HS1BP3: variants seen among roughly 807,000 people sequenced by gnomAD.
HS1BP3 encodes the protein HCLS1-binding protein 3.
A neutral mutation model predicts 33.5 loss-of-function variants in HS1BP3; 32 were observed. That is an observed-to-expected ratio of 0.95 (90% CI 0.72 to 1.28). HS1BP3 has a LOEUF of 1.28. HS1BP3 is among the 50% of genes most tolerant of loss of function. HS1BP3 has a pLI of 0.00. For synonymous variants in HS1BP3, 187 were observed against 209.2 expected (o/e 0.89, Z 0.92); for missense variants, 486 against 502.3 (o/e 0.97, Z 0.31).
Position 20,645,440 on chromosome 2 carries a change from T to C in HS1BP3, c.98A>G (p.Lys33Arg), listed in dbSNP as rs769704355. The change falls in exon 2 of 7, where the codon AAG becomes AGG. Residue 33 changes from lysine (K) to arginine (R), a missense_variant. Coordinates refer to ENST00000304031, the MANE Select transcript of HS1BP3 (RefSeq NM_022460.4). ...TVPQHQEVRG[K>R]MMSGHVEYQI... is the part of the protein sequence containing the mutation. ...GTACTCCACGTGTCCAGACATCATC[T>C]TGCCCCGTACCTCCTGGTGCTGGGG... The C allele has an allele frequency of 3.2e-5, 51 of 1,614,048 alleles. No homozygotes were observed. In the South Asian group the frequency reaches 5.2e-4, roughly 16 times the overall value.
the HS1BP3 span, among the ~76,000 whole-genome samples, chr2:20,555,183 C>T: frequency 1.2e-4 from 18 of 152,208 alleles, no homozygotes; most frequent in Non-Finnish European, 8.8e-5. Flanking sequence ...CCCCATGCGA[C>T]GCTAGGAACT....
intron 5 of HS1BP3, among the ~76,000 whole-genome samples, chr2:20,565,865 G>C (rs888423285): frequency 6.6e-6 from 1 of 152,246 alleles, no homozygotes. Flanking sequence ...TGGATGTAGA[G>C]TCAGGGCTGG....
At chr2:20,616,835 T>C (rs1021238483), downstream of HS1BP3, among the ~76,000 whole-genome samples, 1 of 152,082 alleles carries the variant, frequency 6.6e-6, no homozygotes, top group Non-Finnish European at 1.5e-5. Context: ...CAGGCTGGAA[T>C]GGGTCACAGG....
At chr2:20,627,125 C>T (rs961205865) in intron 4 of HS1BP3, among the ~76,000 whole-genome samples, 94 of 152,254 alleles carry the variant, frequency 6.2e-4, no homozygotes, top group African/African-American at 2.0e-3. Context: ...CCATCTCTGC[C>T]GCCCTTTGCG....
downstream of HS1BP3, among the ~76,000 whole-genome samples, chr2:20,614,208 A>T (rs999065247): frequency 1.3e-5 from 2 of 152,138 alleles, no homozygotes; most frequent in Admixed American, 1.3e-4. Context: ...ACAAAGTAGG[A>T]TCCTTCCCTA....
intron 6 of HS1BP3, among the ~76,000 whole-genome samples, chr2:20,621,511 G>T (rs913684505): frequency 6.6e-6 from 1 of 152,236 alleles, no homozygotes; most frequent in Non-Finnish European, 1.5e-5. Flanking sequence ...GGCCACCTCA[G>T]GTCAGATGTT....
At chr2:20,556,558 TC>T (rs1333223476), downstream of HS1BP3, among the ~76,000 whole-genome samples, 1 of 152,194 alleles carries the variant, frequency 6.6e-6, no homozygotes, top group Non-Finnish European at 1.5e-5. Context: ...TGTCTATAGG[TC>T]GATTTCAACA....
At chr2:20,574,642 G>A (rs945950667) in intron 5 of HS1BP3, among the ~76,000 whole-genome samples, 4 of 152,196 alleles carry the variant, frequency 2.6e-5, no homozygotes, top group Non-Finnish European at 5.9e-5. Flanking sequence ...GGTCAGCCTC[G>A]GTGGATGAGA....
chr2:20,577,573 G>A (rs1387885817), intron 5 of HS1BP3, among the ~76,000 whole-genome samples: 1 of 152,190 alleles, frequency 6.6e-6, no homozygotes, highest in African/African-American at 2.4e-5. Flanking sequence ...TAGGAAGAAA[G>A]AGCCTCCAGG....
At position 20,586,167 on chromosome 2, in the gene HS1BP3, G is replaced by A. The variant is rs568178251; in HGVS notation, c.303-25652C>T. ...AAGGCACCTCCTCCTCCCAGGAGCC[G>A]GGACCGTCCTGCCCTTTGAGGGGGT... On this transcript the variant is annotated intron_variant, in intron 5 of 5. Transcript: ENST00000446825. The A allele has an allele frequency of 3.6e-3, 555 of 152,378 alleles. 6 individuals carry two copies. Among genetic ancestry groups the A allele is most frequent in the South Asian group, 8.1e-3 (39 of 4,832 alleles). The allele number at this position is 152,378 out of a possible 1,614,324, so 9.4% of individuals were successfully genotyped here.
At chr2:20,595,402 C>T (rs959351581) in intron 3 of HS1BP3, among the ~76,000 whole-genome samples, 3 of 152,176 alleles carry the variant, frequency 2.0e-5, no homozygotes, top group Admixed American at 6.5e-5. Flanking sequence ...TCACCAGGAG[C>T]AGAACCCTAT....
intron 6 of HS1BP3, chr2:20,622,529 T>C (rs1694639118): frequency 5.8e-6 from 2 of 345,050 alleles, no homozygotes; most frequent in East Asian, 1.5e-4. Flanking sequence ...AGCCCTGCTT[T>C]TTGTGGCATT....
At chr2:20,555,335 T>C in the HS1BP3 span, among the ~76,000 whole-genome samples, 1 of 152,204 alleles carries the variant, frequency 6.6e-6, no homozygotes. Flanking sequence ...CTGCCTAGTT[T>C]TTGGGGCCCA....
intron 5 of HS1BP3, among the ~76,000 whole-genome samples, chr2:20,570,759 C>A (rs1693247616): frequency 6.6e-6 from 1 of 152,162 alleles, no homozygotes; most frequent in African/African-American, 2.4e-5. Context: ...GGGGAACAAG[C>A]CAGCAAGGCC....
intron 2 of HS1BP3, among the ~76,000 whole-genome samples, chr2:20,642,319 C>T (rs1695378892): frequency 6.6e-6 from 1 of 151,942 alleles, no homozygotes; most frequent in Admixed American, 6.6e-5. Flanking sequence ...CAACACCACC[C>T]AGAATGCCCA....
At chr2:20,561,326 C>G (rs1692988716) in intron 5 of HS1BP3, among the ~76,000 whole-genome samples, 1 of 152,220 alleles carries the variant, frequency 6.6e-6, no homozygotes, top group South Asian at 2.1e-4. Context: ...TCCCCAACAG[C>G]TGACTCAGGG....
At chr2:20,628,323 C>A (rs1268903847) in intron 4 of HS1BP3, among the ~76,000 whole-genome samples, 1 of 152,150 alleles carries the variant, frequency 6.6e-6, no homozygotes, top group African/African-American at 2.4e-5. Context: ...AGTGAGGTGG[C>A]TTATGCCTGT....
chr2:20,619,299 A>C, intron 6 of HS1BP3, 54 bp from the exon 7 acceptor site: 3 of 1,442,088 alleles, frequency 2.1e-6, no homozygotes, highest in Non-Finnish European at 2.8e-6. Flanking sequence ...CCGTGACAGG[A>C]ACAAGACCCC....
intron 2 of HS1BP3, among the ~76,000 whole-genome samples, chr2:20,645,099 C>T (rs1037073578): frequency 6.6e-6 from 1 of 152,212 alleles, no homozygotes; most frequent in Non-Finnish European, 1.5e-5. Flanking sequence ...CCAGAGCCCC[C>T]CAGGTGCTCC....
Sources: allele counts gnomAD v4.1 joint callset (sites outside exome capture counted in the v4.1 genomes callset), GRCh38; gene constraint gnomAD v4.1.1; transcripts MANE v1.5; gene names NCBI Gene and HGNC (gene_info 2026-07-23, HGNC 2026-07-21).